Variants in JPH1 observed in about 807,000 individuals in gnomAD.
JPH1 encodes the protein junctophilin-1.
Under a neutral mutation model 53.6 loss-of-function variants are expected in JPH1, and 12 were observed. The ratio of observed to expected loss-of-function variants is 0.22; its 90% confidence interval spans 0.14 to 0.36. The LOEUF (loss-of-function observed/expected upper bound fraction) is 0.36. Ranked by LOEUF, JPH1 falls within the 10% of genes least tolerant of loss-of-function variation. The pLI is 1.00. For missense variants in JPH1, 808 were observed against 905.5 expected (o/e 0.89, Z 1.38); for synonymous variants, 375 against 363.8 (o/e 1.03, Z -0.35).
chr8:74,278,001 A>C (rs186185288), intron 2 of JPH1, among the ~76,000 whole-genome samples: 133 of 152,332 alleles, frequency 8.7e-4, no homozygotes, highest in African/African-American at 3.2e-3. Context: ...TATACAAGAA[A>C]ATATGAATAT....
chr8:74,248,623 G>A (rs759872834), intron 3 of JPH1, among the ~76,000 whole-genome samples: 4 of 152,178 alleles, frequency 2.6e-5, no homozygotes, highest in Non-Finnish European at 5.9e-5. Flanking sequence ...TGGTTCCAAC[G>A]TGGCACAGTC....
intron 3 of JPH1, among the ~76,000 whole-genome samples, chr8:74,250,123 C>G (rs1446400189): frequency 6.6e-6 from 1 of 151,218 alleles, no homozygotes; most frequent in Non-Finnish European, 1.5e-5. Context: ...AAATGAATCT[C>G]TCGACTAAAA....
chr8:74,270,893 T>C (rs761391112), intron 2 of JPH1, among the ~76,000 whole-genome samples: 1 of 152,096 alleles, frequency 6.6e-6, no homozygotes. Flanking sequence ...TGTGGTGGGA[T>C]TGATTCTGGG....
intron 1 of JPH1, among the ~76,000 whole-genome samples, chr8:74,316,008 G>T (rs1026883936): frequency 2.0e-5 from 3 of 152,170 alleles, no homozygotes; most frequent in African/African-American, 7.2e-5. Context: ...AATTCTATGT[G>T]TAAATTTTAT....
chr8:74,310,035 G>C (rs1348615813), intron 2 of JPH1, among the ~76,000 whole-genome samples: 3 of 152,146 alleles, frequency 2.0e-5, no homozygotes, highest in Non-Finnish European at 4.4e-5. Context: ...AAAGGTTCTG[G>C]TTGGCCAAGT....
At chr8:74,285,981 A>G (rs1292810458) in intron 2 of JPH1, among the ~76,000 whole-genome samples, 1 of 152,242 alleles carries the variant, frequency 6.6e-6, no homozygotes, top group East Asian at 1.9e-4. Context: ...ATTTTGAACC[A>G]TGAACATGTA....
intron 2 of JPH1, among the ~76,000 whole-genome samples, chr8:74,260,926 A>G (rs1563400801): frequency 6.6e-6 from 1 of 152,208 alleles, no homozygotes; most frequent in Non-Finnish European, 1.5e-5. Flanking sequence ...TCATAATCCC[A>G]AAGTGCAGAA....
Position 74,315,429 on chromosome 8 carries a change from C to CGCGGGTGCCGGCCGGGCTGTCGGCG in JPH1, c.546_570dup (p.Gly191ArgfsTer20). The CGCGGGTGCCGGCCGGGCTGTCGGCG allele has an allele frequency of 6.2e-7, 1 of 1,611,740 alleles. No individual in the cohort carries two copies. The highest frequency in any genetic ancestry group is 1.1e-5 in the South Asian group (1 of 91,052). ...GCGTGGAAGTTGAGCACGAAACCGC[C>CGCGGGTGCCGGCCGGGCTGTCGGCG]GCGGGTGCCGGCCGGGCTGTCGGCG... On this transcript the variant is annotated frameshift_variant, in exon 2 of 6. Transcript: ENST00000342232. LOFTEE classifies it high-confidence loss of function. This position sits in a 1 kb window ranked among gnomAD's most constrained non-coding sequence, Gnocchi z 6.3.
intron 2 of JPH1, among the ~76,000 whole-genome samples, chr8:74,278,843 T>C (rs980882247): frequency 6.6e-6 from 1 of 152,226 alleles, no homozygotes; most frequent in Non-Finnish European, 1.5e-5. Context: ...TGTGTGACTC[T>C]GGCAGACCAC....
At position 74,320,234 on chromosome 8, in the gene JPH1, T is replaced by A. The variant is rs1486156522; in HGVS notation, c.379+675A>T. ...AAGACTGCTACTCTTTTAAGACCAA[T>A]ACTTTAAGAAACGGAATGAAAACTA... On this transcript the variant is annotated intron_variant, in intron 1 of 5. Coordinates refer to ENST00000342232, the MANE Select transcript of JPH1 (RefSeq NM_020647.4). The surrounding 1 kb of genome is among the most constrained non-coding windows in gnomAD (Gnocchi z 4.4). Among the ~76,000 whole-genome samples the A allele has an allele frequency of 6.6e-6, 1 of 152,200 alleles. No homozygotes were observed. Among genetic ancestry groups the A allele is most frequent in the Admixed American group, 6.5e-5 (1 of 15,286 alleles).
chr8:74,292,241 C>G (rs1256994640), intron 2 of JPH1, among the ~76,000 whole-genome samples: 1 of 152,210 alleles, frequency 6.6e-6, no homozygotes, highest in African/African-American at 2.4e-5. Context: ...ATGGCACTTA[C>G]TCTCCACCTT....
intron 2 of JPH1, among the ~76,000 whole-genome samples, chr8:74,276,462 T>C (rs1049053299): frequency 1.3e-4 from 20 of 152,308 alleles, no homozygotes; most frequent in African/African-American, 4.6e-4. Flanking sequence ...TAGTCAATGA[T>C]TTGCAACCTA....
At position 74,244,988 on chromosome 8, in the gene JPH1, G is replaced by C; in HGVS notation, c.1446C>G (p.Pro482=). The part of the protein sequence containing the change: ...HSHSPASSPK[P]LKKQNPSSGA... ...CTGAGCTGGGGTTTTGCTTCTTCAG[G>C]GGCTTTGGGGAGGAAGCAGGAGAGT... Residue 482 remains proline (P), a synonymous_variant, in exon 4 of 6, where the codon CCC becomes CCG. Coordinates refer to ENST00000342232, the MANE Select transcript of JPH1 (RefSeq NM_020647.4). 15 of 1,613,990 alleles carry C rather than the reference G, an allele frequency of 9.3e-6. 1 individual carries two copies. The Middle Eastern group carries it at 9.9e-4, about 106-fold the overall frequency.
chr8:74,257,774 A>G (rs1279929346), intron 3 of JPH1, among the ~76,000 whole-genome samples: 3 of 152,076 alleles, frequency 2.0e-5, no homozygotes, highest in African/African-American at 7.2e-5. Context: ...TCTCAACCAG[A>G]GGTTTAAAAG....
intron 4 of JPH1, among the ~76,000 whole-genome samples, chr8:74,241,756 G>A (rs1441454063): frequency 1.3e-5 from 2 of 152,092 alleles, no homozygotes; most frequent in Admixed American, 1.3e-4. Context: ...CCAATTTGAT[G>A]GGGACGCTTT....
At chr8:74,283,042 T>C (rs1451856057) in intron 2 of JPH1, among the ~76,000 whole-genome samples, 2 of 152,146 alleles carry the variant, frequency 1.3e-5, no homozygotes, top group African/African-American at 2.4e-5. Context: ...AGTTAAACAG[T>C]GTTTATTGTA....
chr8:74,302,783 C>T (rs947838493), intron 2 of JPH1, among the ~76,000 whole-genome samples: 4 of 152,138 alleles, frequency 2.6e-5, no homozygotes, highest in African/African-American at 9.7e-5. Flanking sequence ...GTACTGTGAA[C>T]CTGGTAGGGT....
At chr8:74,300,974 A>G (rs1246810349) in intron 2 of JPH1, among the ~76,000 whole-genome samples, 1 of 152,188 alleles carries the variant, frequency 6.6e-6, no homozygotes, top group Admixed American at 6.5e-5. Flanking sequence ...CCGGGAATGA[A>G]TCACTACATT....
chr8:74,244,559 T>G lies in JPH1; in HGVS notation c.1875A>C (p.Ser625=). Residue 625 remains serine (S), a synonymous_variant, in exon 4 of 6, where the codon TCA becomes TCC. Coordinates refer to ENST00000342232, the MANE Select transcript of JPH1 (RefSeq NM_020647.4). ...AIPKNPASND[S]CPALEKEANS... ...TGGCTTCTTTTTCCAAAGCAGGGCA[T>G]GAATCGTTGCTTGCTGGATTCTTTG... 1 of 1,611,988 alleles carries G rather than the reference T, an allele frequency of 6.2e-7. No homozygotes were observed. The highest frequency in any genetic ancestry group is 8.5e-7 in the Non-Finnish European group (1 of 1,179,194).
Sources: gnomAD v4.1 joint callset for allele counts (sites outside exome capture counted in the v4.1 genomes callset) on GRCh38, gnomAD v4.1.1 for gene constraint, Gnocchi (gnomAD v3.1) non-coding constraint, MANE v1.5 for transcripts, NCBI Gene and HGNC (gene_info 2026-07-23, HGNC 2026-07-21) for gene names.